The following MARCHF1 variants were observed in gnomAD, a reference collection of about 807,000 sequenced individuals.
MARCHF1 encodes the protein E3 ubiquitin-protein ligase MARCHF1.
MARCHF1 carries 40 observed loss-of-function variants against 54.2 expected under a neutral mutation model. The ratio of observed to expected loss-of-function variants is 0.74; its 90% CI spans 0.57 to 0.96. MARCHF1 has a LOEUF of 0.96. Among genes scored for constraint, MARCHF1 ranks in the 40% least tolerant of loss-of-function variants. MARCHF1 has a pLI of 0.00. For missense variants in MARCHF1, 586 were observed against 656.5 expected (o/e 0.89, Z 1.17); for synonymous variants, 236 against 236.3 (o/e 1.00, Z 0.01).
chr4:164,109,711 C>T (rs1223110315), intron 2 of MARCHF1, among the ~76,000 whole-genome samples: 1 of 151,292 alleles, frequency 6.6e-6, no homozygotes. Context: ...TTTTAAAAAT[C>T]GTTCCTGGAT....
chr4:164,007,818 T>A (rs1753330951), intron 2 of MARCHF1, among the ~76,000 whole-genome samples: 1 of 151,922 alleles, frequency 6.6e-6, no homozygotes, highest in Admixed American at 6.6e-5. Flanking sequence ...AAACTTATAA[T>A]GGATTCACTA....
chr4:163,932,241 G>T (rs1193326335), intron 3 of MARCHF1, among the ~76,000 whole-genome samples: 1 of 152,164 alleles, frequency 6.6e-6, no homozygotes, highest in Non-Finnish European at 1.5e-5. Flanking sequence ...CAAAGATTGG[G>T]TGTATGTGCC....
intron 4 of MARCHF1, among the ~76,000 whole-genome samples, chr4:163,778,880 T>A (rs1341028595): frequency 6.6e-6 from 1 of 151,998 alleles, no homozygotes; most frequent in African/African-American, 2.4e-5. Context: ...GGGTATATGA[T>A]GAGAGATTAT....
At chr4:164,080,581 C>T (rs1232541569) in intron 2 of MARCHF1, among the ~76,000 whole-genome samples, 1 of 151,758 alleles carries the variant, frequency 6.6e-6, no homozygotes, top group South Asian at 2.1e-4. Context: ...TGGTACACTA[C>T]AAATTTCTCC....
chr4:164,337,117 C>T (rs1463245122), intron 1 of MARCHF1, among the ~76,000 whole-genome samples: 1 of 151,968 alleles, frequency 6.6e-6, no homozygotes, highest in African/African-American at 2.4e-5. Flanking sequence ...TTTTGGAGTA[C>T]TTGATACTGA....
At chr4:163,876,353 T>G (rs570522959) in intron 3 of MARCHF1, among the ~76,000 whole-genome samples, 5 of 152,276 alleles carry the variant, frequency 3.3e-5, no homozygotes, top group Non-Finnish European at 5.9e-5. Flanking sequence ...GACTTGGATA[T>G]CATTCAGTTG....
Position 163,593,191 on chromosome 4 carries a change from C to T in MARCHF1, c.1011-7262G>A, listed in dbSNP as rs1031349512. On this transcript the variant is annotated intron_variant, in intron 7 of 9. Coordinates refer to ENST00000514618, the MANE Select transcript of MARCHF1 (RefSeq NM_001394959.1). ...AGATAATATATATTGAACGAATATC[C>T]GAAGGTTATGATTTTCTCTACATTT... Among the ~76,000 whole-genome samples the T allele has an allele frequency of 4.6e-5, 7 of 151,936 alleles. No homozygotes were observed. The East Asian group carries it at 5.8e-4, about 13-fold the overall frequency.
intron 4 of MARCHF1, among the ~76,000 whole-genome samples, chr4:163,722,224 G>T (rs1745495129): frequency 1.3e-5 from 2 of 151,948 alleles, no homozygotes; most frequent in South Asian, 4.2e-4. Context: ...ATTCTGGTAT[G>T]CTGTGTCTTT....
chr4:164,342,512 C>T (rs1729958456), intron 1 of MARCHF1, among the ~76,000 whole-genome samples: 1 of 149,054 alleles, frequency 6.7e-6, no homozygotes. Context: ...TACCCTAAAA[C>T]TTAAAGTATA....
In MARCHF1 at chr4:164,232,393, T is replaced by C. The variant is rs368621448; in HGVS notation, c.-322-120731A>G. Reference sequence around the variant, plus strand: ...GTTGTATCACACACACAGATAGACATAATGACCAAAGAGTACATGAAGTCA... The same window carrying C: ...GTTGTATCACACACACAGATAGACACAATGACCAAAGAGTACATGAAGTCA... On this transcript the variant is annotated intron_variant, in intron 1 of 9. Transcript: ENST00000514618. 8.3e-4 allele frequency among the ~76,000 whole-genome samples: 127 copies of C among 152,232 alleles called. 1 individual carries two copies. In the South Asian group the frequency reaches 0.012, roughly 14 times the overall value.
chr4:163,891,768 A>C (rs188928566), intron 3 of MARCHF1, among the ~76,000 whole-genome samples: 65 of 151,728 alleles, frequency 4.3e-4, no homozygotes, highest in African/African-American at 1.6e-3. Context: ...AAAGCACAAC[A>C]AAAAAAACAA....
At chr4:163,815,026 G>A (rs1164528929) in intron 4 of MARCHF1, among the ~76,000 whole-genome samples, 2 of 152,108 alleles carry the variant, frequency 1.3e-5, no homozygotes, top group Admixed American at 1.3e-4. Flanking sequence ...ATATTCATGA[G>A]TAAAGAAATA....
chr4:164,122,652 T>A (rs552611379), intron 1 of MARCHF1, among the ~76,000 whole-genome samples: 3 of 151,776 alleles, frequency 2.0e-5, no homozygotes, highest in African/African-American at 7.2e-5. Flanking sequence ...GGGAGACCCC[T>A]CTCTCTCTCT....
intron 1 of MARCHF1, among the ~76,000 whole-genome samples, chr4:164,307,767 C>A (rs1734734792): frequency 6.6e-6 from 1 of 152,264 alleles, no homozygotes; most frequent in East Asian, 1.9e-4. Context: ...AGTTAGGAGA[C>A]AGAGTACAGG....
At chr4:163,856,217 G>A (rs772203011) in intron 3 of MARCHF1, among the ~76,000 whole-genome samples, 7 of 152,072 alleles carry the variant, frequency 4.6e-5, no homozygotes, top group Non-Finnish European at 7.4e-5. Flanking sequence ...ATAACAAAAT[G>A]CCAACTGCAT....
At chr4:163,825,992 T>A (rs1748838650) in intron 4 of MARCHF1, among the ~76,000 whole-genome samples, 1 of 152,036 alleles carries the variant, frequency 6.6e-6, no homozygotes, top group Non-Finnish European at 1.5e-5. Flanking sequence ...ACAACATGAG[T>A]AAAATATTTT....
intron 1 of MARCHF1, among the ~76,000 whole-genome samples, chr4:164,113,917 A>G (rs1381725398): frequency 1.3e-5 from 2 of 151,084 alleles, no homozygotes; most frequent in African/African-American, 2.4e-5. Flanking sequence ...TTTATATAAA[A>G]CGATAACTGT....
At chr4:163,889,085 T>C (rs1372000942) in intron 3 of MARCHF1, among the ~76,000 whole-genome samples, 3 of 152,146 alleles carry the variant, frequency 2.0e-5, no homozygotes, top group Admixed American at 6.5e-5. Flanking sequence ...AAATGAGTAG[T>C]CAGGGAATGG....
At chr4:164,233,072 T>C (rs1014619790) in intron 1 of MARCHF1, among the ~76,000 whole-genome samples, 15 of 152,296 alleles carry the variant, frequency 9.8e-5, no homozygotes, top group East Asian at 3.9e-4. Flanking sequence ...CAAGAGGCTT[T>C]TAAGCATCTA....
Sources: gnomAD v4.1 joint callset for allele counts (sites outside exome capture counted in the v4.1 genomes callset) on GRCh38, gnomAD v4.1.1 for gene constraint, MANE v1.5 for transcripts, NCBI Gene and HGNC (gene_info 2026-07-23, HGNC 2026-07-21) for gene names.